The following ABLIM2 variants were observed in gnomAD, a reference collection of about 807,000 sequenced individuals.
The protein encoded by ABLIM2 is actin binding LIM protein family member 2, also known as actin-binding LIM protein 2.
In ABLIM2, 53 loss-of-function variants were observed where a neutral mutation model predicts 97.7. That is an observed-to-expected ratio of 0.54 (90% CI 0.44 to 0.68). The LOEUF (loss-of-function observed/expected upper bound fraction) is 0.68, where lower values mean the gene tolerates loss of function less well. Ranked by LOEUF, ABLIM2 falls within the 30% of genes least tolerant of loss-of-function variation. The pLI is 0.00. For synonymous variants in ABLIM2, 361 were observed against 345.8 expected, an observed-to-expected ratio of 1.04 and a Z score of -0.49; for missense variants, 835 against 867.2, an observed-to-expected ratio of 0.96 and a Z score of 0.47.
At chr4:8,093,428 A>G (rs2152585831) in intron 3 of ABLIM2, among the ~76,000 whole-genome samples, 1 of 152,304 alleles carries the variant, frequency 6.6e-6, no homozygotes, top group South Asian at 2.1e-4. Context: ...CGTGTCTAAA[A>G]AAGTCTTTAT....
chr4:8,118,022 C>A (rs1697668083), intron 1 of ABLIM2, among the ~76,000 whole-genome samples: 1 of 152,252 alleles, frequency 6.6e-6, no homozygotes, highest in South Asian at 2.1e-4. Context: ...TTTTCAGAGG[C>A]CTGTGTTATG....
chr4:8,025,595 C>T (rs1014318306), intron 12 of ABLIM2, among the ~76,000 whole-genome samples: 3 of 152,186 alleles, frequency 2.0e-5, no homozygotes, highest in African/African-American at 7.2e-5. Flanking sequence ...CTTCTTCACC[C>T]TGAAGTGGTA....
At position 8,005,410 on chromosome 4, in the gene ABLIM2, G is replaced by C; in HGVS notation, c.1618+2649C>G. 1 of 533,644 alleles carries C rather than the reference G, an allele frequency of 1.9e-6. No individual in the cohort carries two copies. Among genetic ancestry groups the C allele is most frequent in the South Asian group, 1.4e-5 (1 of 71,536 alleles). The allele number at this position is 533,644 out of a possible 1,614,324, so 33.1% of individuals were successfully genotyped here. On this transcript the variant is annotated intron_variant, in intron 16 of 20. Transcript: ENST00000447017. The surrounding 1 kb of genome is among the most constrained non-coding windows in gnomAD (Gnocchi z 4.9). Reference sequence around the variant, plus strand: ...TGTCACAATCCTACCTTCCTTGGGCGCGCTACAGATGGACGTCCCGGGGTG... The same window carrying C: ...TGTCACAATCCTACCTTCCTTGGGCCCGCTACAGATGGACGTCCCGGGGTG...
Position 7,984,783 on chromosome 4 carries a change from A to T in ABLIM2, c.1735+56T>A, listed in dbSNP as rs1742218886. 3 of 1,508,814 alleles carry T rather than the reference A, an allele frequency of 2.0e-6. No homozygotes were observed. The Admixed American group carries it at 6.2e-5, about 31-fold the overall frequency. The allele number at this position is 1,508,814 out of a possible 1,614,324, so 93.5% of individuals were successfully genotyped here. ...GTGGTTTCAGAACAAGTCTTGTGGAATGTGTTAGCGACCCCTGCCCCAGCC... is the reference window on the plus strand; with the variant it reads ...GTGGTTTCAGAACAAGTCTTGTGGATTGTGTTAGCGACCCCTGCCCCAGCC... On this transcript the variant is annotated intron_variant, in intron 18 of 20. Coordinates refer to ENST00000447017, the MANE Select transcript of ABLIM2 (RefSeq NM_001130083.2).
rs1170627467 is a variant in ABLIM2 at position 8,004,297 on chromosome 4, G to T, written c.1618+3762C>A. On this transcript the variant is annotated intron_variant, in intron 16 of 20. Coordinates refer to ENST00000447017, the MANE Select transcript of ABLIM2 (RefSeq NM_001130083.2). This position sits in a 1 kb window ranked among gnomAD's most constrained non-coding sequence, Gnocchi z 5.9. ...ACAGAAAATGCCAAGCCACAGGCAG[G>T]TTGGGGGTGAAGTGCCCCCAACTGG... Among the ~76,000 whole-genome samples the T allele has an allele frequency of 6.6e-6, 1 of 152,106 alleles. No individual in the cohort carries two copies. The highest frequency in any genetic ancestry group is 1.9e-4 in the East Asian group (1 of 5,162).
At chr4:7,976,724 T>A (rs569172269) in intron 20 of ABLIM2, among the ~76,000 whole-genome samples, 33 of 151,830 alleles carry the variant, frequency 2.2e-4, no homozygotes, top group Non-Finnish European at 4.0e-4. Context: ...TCCATATGCA[T>A]ACACACACAT....
chr4:8,154,932 G>A (rs563692979), intron 1 of ABLIM2, among the ~76,000 whole-genome samples: 16 of 152,264 alleles, frequency 1.1e-4, no homozygotes, highest in Non-Finnish European at 1.9e-4. Flanking sequence ...TCACATGGCA[G>A]CAGGCAAGAG....
intron 1 of ABLIM2, among the ~76,000 whole-genome samples, chr4:8,135,931 G>C (rs566395604): frequency 6.6e-6 from 1 of 152,168 alleles, no homozygotes; most frequent in African/African-American, 2.4e-5. Context: ...CCTGGCAACC[G>C]GTCCCTGCTC....
chr4:8,108,738 T>A (rs758929159), intron 1 of ABLIM2, among the ~76,000 whole-genome samples: 95 of 152,236 alleles, frequency 6.2e-4, no homozygotes, highest in Non-Finnish European at 1.1e-3. Flanking sequence ...AGCCATCCTT[T>A]CCCCTCAGAG....
intron 7 of ABLIM2, 98 bp downstream of exon 7, chr4:8,060,869 G>A: frequency 9.4e-7 from 1 of 1,067,556 alleles, no homozygotes; most frequent in Non-Finnish European, 1.4e-6. Flanking sequence ...CTAGCGAGAT[G>A]ACACTGTCAC....
Position 8,004,372 on chromosome 4 carries a change from C to G in ABLIM2, c.1618+3687G>C, listed in dbSNP as rs922263861. Among the ~76,000 whole-genome samples the G allele has an allele frequency of 6.6e-6, 1 of 152,190 alleles. No individual in the cohort carries two copies. Among genetic ancestry groups the G allele is most frequent in the Admixed American group, 6.5e-5 (1 of 15,286 alleles). ...GTTAATTCAGAGCTTTCCTCACCCC[C>G]ACTCCCACCTGGCCAGACCACCCTT... On this transcript the variant is annotated intron_variant, in intron 16 of 20. Transcript: ENST00000447017. The surrounding 1 kb of genome is among the most constrained non-coding windows in gnomAD (Gnocchi z 5.9).
At chr4:8,090,643 T>A (rs1202798274) in intron 3 of ABLIM2, among the ~76,000 whole-genome samples, 1 of 152,154 alleles carries the variant, frequency 6.6e-6, no homozygotes, top group Non-Finnish European at 1.5e-5. Flanking sequence ...GGCACCGTGA[T>A]CATCATTGTC....
intron 12 of ABLIM2, among the ~76,000 whole-genome samples, chr4:8,026,401 C>T (rs1777334896): frequency 6.6e-6 from 1 of 152,228 alleles, no homozygotes; most frequent in African/African-American, 2.4e-5. Context: ...TGGCCAGGAA[C>T]TCTCAGTAGG....
At chr4:8,078,455 A>C (rs1163887313) in intron 5 of ABLIM2, among the ~76,000 whole-genome samples, 1 of 152,260 alleles carries the variant, frequency 6.6e-6, no homozygotes, top group Non-Finnish European at 1.5e-5. Flanking sequence ...CCGAGTCTCC[A>C]TAAATGAGCT....
chr4:8,010,552 T>C (rs1764241236), intron 14 of ABLIM2: 4 of 985,806 alleles, frequency 4.1e-6, no homozygotes, highest in Non-Finnish European at 3.6e-6. Flanking sequence ...TACAGGACCT[T>C]GACAAGATAA....
At chr4:8,097,325 C>T (rs1577760305) in intron 2 of ABLIM2, 43 bp from the exon 3 acceptor site, 1 of 1,545,740 alleles carries the variant, frequency 6.5e-7, no homozygotes, top group African/African-American at 1.4e-5. Flanking sequence ...CAGAGGGGAC[C>T]ATCTCCACGT....
rs951555504 is a variant in ABLIM2 at position 8,004,657 on chromosome 4, G to A, written c.1618+3402C>T. On this transcript the variant is annotated intron_variant, in intron 16 of 20. Transcript: ENST00000447017. The surrounding 1 kb of genome is among the most constrained non-coding windows in gnomAD (Gnocchi z 5.9). ...AGCAGCAGCAGGCCCTACTGCCGGG[G>A]ACACGGAGTCCACACCACCTTGTGT... Among the ~76,000 whole-genome samples the A allele has an allele frequency of 2.4e-4, 36 of 152,132 alleles. No individual in the cohort carries two copies. The highest frequency in any genetic ancestry group is 7.7e-4 in the African/African-American group (32 of 41,420).
chr4:8,059,931 C>CA (rs1319601151), intron 7 of ABLIM2, among the ~76,000 whole-genome samples: 2 of 148,528 alleles, frequency 1.3e-5, no homozygotes, highest in African/African-American at 2.5e-5. Flanking sequence ...AAAAAAACCC[C>CA]AAAAAACCCC....
intron 6 of ABLIM2, among the ~76,000 whole-genome samples, chr4:8,076,371 A>G (rs1354341459): frequency 6.6e-6 from 1 of 152,172 alleles, no homozygotes; most frequent in African/African-American, 2.4e-5. Flanking sequence ...GGAGCTGCAG[A>G]GGGGAGCCTT....
Sources: gnomAD v4.1 joint callset for allele counts (sites outside exome capture counted in the v4.1 genomes callset) on GRCh38, gnomAD v4.1.1 for gene constraint, Gnocchi (gnomAD v3.1) non-coding constraint, MANE v1.5 for transcripts, NCBI Gene and HGNC (gene_info 2026-07-23, HGNC 2026-07-21) for gene names.